The following CREB3L4 variants were observed in gnomAD, a reference collection of about 807,000 sequenced individuals.
CREB3L4 encodes cAMP responsive element binding protein 3 like 4, also known as cyclic AMP-responsive element-binding protein 3-like protein 4.
A neutral mutation model predicts 37.0 loss-of-function variants in CREB3L4; 28 were observed. The ratio of observed to expected loss-of-function variants is 0.76; its 90% CI spans 0.56 to 1.04. The LOEUF is 1.04. Ranked by LOEUF, CREB3L4 falls within the 50% of genes least tolerant of loss-of-function variation. The pLI, the probability that CREB3L4 is intolerant of heterozygous loss-of-function variation, is 0.00. For missense variants in CREB3L4, 462 were observed against 486.0 expected (o/e 0.95, Z 0.46); for synonymous variants, 175 against 192.2 (o/e 0.91, Z 0.74).
At position 153,968,469 on chromosome 1, in the gene CREB3L4, A is replaced by G. The variant is rs1458172619; in HGVS notation, c.-4-53A>G. ...GAGCCCAGAAACTGTAGGGGGTAGT[A>G]AGCAGCCATCATTCCGTTTCTGCAA... On this transcript the variant is annotated intron_variant, in intron 1 of 9. Transcript: ENST00000368607. 3.2e-6 allele frequency: 5 copies of G among 1,546,118 alleles called. No homozygotes were observed. In the African/African-American group the frequency reaches 4.1e-5, roughly 13 times the overall value.
chr1:153,973,802 G>T (rs1241336662), intron 9 of CREB3L4, 70 bp from the exon 10 acceptor site: 9 of 1,562,102 alleles, frequency 5.8e-6, no homozygotes, highest in Non-Finnish European at 7.9e-6. Flanking sequence ...CAAGAGGGAG[G>T]TCCTGTCCTG....
chr1:153,972,698 A>T, intron 4 of CREB3L4, 46 bp from the exon 5 acceptor site: 1 of 1,497,958 alleles, frequency 6.7e-7, no homozygotes, highest in Non-Finnish European at 9.2e-7. Flanking sequence ...AAATGGGATG[A>T]CCCCCTCCTC....
upstream of CREB3L4, chr1:153,967,534 C>T (rs1225214311): frequency 6.6e-6 from 1 of 152,254 alleles, no homozygotes; most frequent in Non-Finnish European, 1.5e-5. Flanking sequence ...GCCTGTGGTC[C>T]TAGCTGCTCG....
intron 4 of CREB3L4, among the ~76,000 whole-genome samples, chr1:153,970,739 C>T (rs1235412217): frequency 3.1e-4 from 27 of 87,150 alleles, no homozygotes; most frequent in East Asian, 9.0e-4. Flanking sequence ...ATCTTAGAAT[C>T]TTTTTTTTTT....
chr1:153,973,316 C>T, intron 7 of CREB3L4, 53 bp downstream of exon 7: 1 of 1,609,650 alleles, frequency 6.2e-7, no homozygotes, highest in Non-Finnish European at 8.5e-7. Flanking sequence ...GTACAGCACA[C>T]AGGGGTGCCA....
At chr1:153,967,867 G>C (rs751690831), upstream of CREB3L4, 11 of 151,922 alleles carry the variant, frequency 7.2e-5, no homozygotes, top group Admixed American at 6.6e-4. Flanking sequence ...GCGAGGGGAT[G>C]CCCTAGTAAA....
intron 4 of CREB3L4, among the ~76,000 whole-genome samples, chr1:153,969,932 T>TA (rs1648184107): frequency 6.7e-6 from 1 of 149,484 alleles, no homozygotes; most frequent in East Asian, 2.0e-4. Flanking sequence ...AACAATTTTT[T>TA]TTTTTTTTTT....
chr1:153,969,465 G>A lies in CREB3L4; in HGVS notation c.543+10G>A, dbSNP rs200586750. ...GCCCTGTACAACCCTGGTGAGTCTT[G>A]GTGTCAGCCAGAACCACTACTCCTT... On this transcript the variant is annotated intron_variant, in intron 4 of 9. Coordinates refer to ENST00000368607, the MANE Select transcript of CREB3L4 (RefSeq NM_001255978.2). 3 of 1,613,636 alleles carry A rather than the reference G, an allele frequency of 1.9e-6. No individual in the cohort carries two copies. Among genetic ancestry groups the A allele is most frequent in the Non-Finnish European group, 1.7e-6 (2 of 1,179,740 alleles).
intron 4 of CREB3L4, among the ~76,000 whole-genome samples, chr1:153,972,323 G>A (rs767500818): frequency 2.6e-5 from 4 of 152,164 alleles, no homozygotes; most frequent in East Asian, 3.8e-4. Context: ...GAGGTTGACG[G>A]GCAACTGGAT....
chr1:153,971,144 C>A (rs555141115), intron 4 of CREB3L4, among the ~76,000 whole-genome samples: 2 of 147,090 alleles, frequency 1.4e-5, no homozygotes, highest in Non-Finnish European at 3.0e-5. Flanking sequence ...CCAAGGTGGG[C>A]GGATCACGAG....
chr1:153,973,557 C>T, intron 8 of CREB3L4, 63 bp from the exon 9 acceptor site: 1 of 1,563,000 alleles, frequency 6.4e-7, no homozygotes, highest in South Asian at 1.1e-5. Context: ...TCCGATAACC[C>T]CAGCTGGCCT....
At position 153,968,914 on chromosome 1, in the gene CREB3L4, C is replaced by A. The variant is rs200562464; in HGVS notation, c.175-16C>A. 2.9e-4 allele frequency: 454 copies of A among 1,591,616 alleles called. 1 individual carries two copies. The highest frequency in any genetic ancestry group is 1.1e-3 in the Admixed American group (62 of 56,412). On this transcript the variant is annotated splice_polypyrimidine_tract_variant and intron_variant, in intron 2 of 9. Coordinates refer to ENST00000368607, the MANE Select transcript of CREB3L4 (RefSeq NM_001255978.2). ...AATTCTTCCCTGCACATATATATAA[C>A]CTTTTCCTACTGTAGGGCCTTCAAG...
rs760582760 is a variant in CREB3L4, at chr1:153,972,747, C to G, written c.547C>G (p.Pro183Ala). The part of the protein sequence containing the change: ...VAPVPCTTLL[P>A]CQTLFLTDEE... ...CTTCTCCTGCCCCTACCCCCAGCTG[C>G]CCTGTCAAACCCTGTTCCTGACCGA... The change falls in exon 5 of 10, where the codon CCC becomes GCC. Residue 183 changes from proline to alanine, a missense_variant. Pro to Ala is a conservative substitution (Grantham distance 27). Coordinates refer to ENST00000368607, the MANE Select transcript of CREB3L4 (RefSeq NM_001255978.2). 1 of 1,613,392 alleles carries G rather than the reference C, an allele frequency of 6.2e-7. No individual in the cohort carries two copies. Among genetic ancestry groups the G allele is most frequent in the South Asian group, 1.1e-5 (1 of 91,012 alleles).
intron 4 of CREB3L4, among the ~76,000 whole-genome samples, chr1:153,970,509 C>T (rs1342236092): frequency 2.0e-5 from 3 of 152,146 alleles, no homozygotes; most frequent in African/African-American, 7.2e-5. Context: ...GCCCAGGAGG[C>T]ACCCACTGGC....
In CREB3L4 at chr1:153,973,992, T is replaced by G; in HGVS notation, c.1115T>G (p.Leu372Arg). ...AKDANGSTRT[L>R]LEKMGGKPRP... is the part of the protein sequence containing the mutation. Reference sequence around the variant, plus strand: ...GATGCAAATGGCTCAACAAGGACACTGCTTGAGAAGATGGGAGGGAAGCCA... The same window carrying G: ...GATGCAAATGGCTCAACAAGGACACGGCTTGAGAAGATGGGAGGGAAGCCA... The change falls in exon 10 of 10, where the codon CTG (leucine) becomes CGG (arginine). Residue 372 changes from leucine to arginine, a missense_variant. Coordinates refer to ENST00000368607, the MANE Select transcript of CREB3L4 (RefSeq NM_001255978.2). 1 of 1,614,186 alleles carries G rather than the reference T, an allele frequency of 6.2e-7. No homozygotes were observed. The highest frequency in any genetic ancestry group is 8.5e-7 in the Non-Finnish European group (1 of 1,180,030).
At chr1:153,968,771 T>C in intron 2 of CREB3L4, 72 bp downstream of exon 2, 1 of 1,589,856 alleles carries the variant, frequency 6.3e-7, no homozygotes, top group South Asian at 1.1e-5. Context: ...AGCTCCCACT[T>C]GGAGACAGGT....
Position 153,973,639 on chromosome 1 carries a change from C to A in CREB3L4, c.917C>A (p.Ala306Asp). 3 of 1,611,984 alleles carry A rather than the reference C, an allele frequency of 1.9e-6. No homozygotes were observed. The highest frequency in any genetic ancestry group is 2.5e-6 in the Non-Finnish European group (3 of 1,178,944). ...TCCCAGATTCTTCTTTTTTCCCTGG[C>A]TCTCATCATCCTGCCCAGCTTCAGT... Reference protein sequence around the residue: ...TCVLILLFSLALIILPSFSPF... With the variant: ...TCVLILLFSLDLIILPSFSPF... The change falls in exon 9 of 10, where the codon GCT becomes GAT. Residue 306 changes from alanine to aspartate, a missense_variant. Ala to Asp is a moderately radical substitution (Grantham distance 126, BLOSUM62 -2). Transcript: ENST00000368607.
intron 1 of CREB3L4, 26 bp downstream of exon 1, chr1:153,968,190 G>T (rs2102153984): frequency 4.9e-6 from 1 of 202,344 alleles, no homozygotes; most frequent in Non-Finnish European, 1.0e-5. Context: ...GTAGTGTAAG[G>T]CTGGGGGCGG....
chr1:153,969,776 A>G (rs1255477673), intron 4 of CREB3L4: 3 of 289,482 alleles, frequency 1.0e-5, no homozygotes, highest in South Asian at 3.6e-5. Flanking sequence ...ACGTCTGGCT[A>G]ATTTTTGTAG....
Sources: gnomAD v4.1 joint callset for allele counts (sites outside exome capture counted in the v4.1 genomes callset) on GRCh38, gnomAD v4.1.1 for gene constraint, MANE v1.5 for transcripts, NCBI Gene and HGNC (gene_info 2026-07-23, HGNC 2026-07-21) for gene names.